Variants in GNAQ observed in about 807,000 individuals in gnomAD.
GNAQ encodes the protein guanine nucleotide-binding protein G(q) subunit alpha.
A neutral mutation model predicts 43.9 loss-of-function variants in GNAQ; 8 were observed. The ratio of observed to expected loss-of-function variants is 0.18; its 90% CI spans 0.11 to 0.33. The LOEUF is 0.33. Ranked by LOEUF, GNAQ falls within the 10% of genes least tolerant of loss-of-function variation. The pLI, the probability that GNAQ is intolerant of heterozygous loss-of-function variation, is 1.00. For synonymous variants in GNAQ, 155 were observed against 170.7 expected (o/e 0.91, Z 0.71); for missense variants, 158 against 450.8 (o/e 0.35, Z 5.88).
intron 2 of GNAQ, among the ~76,000 whole-genome samples, chr9:77,852,032 G>A (rs1183296226): frequency 6.6e-6 from 1 of 152,156 alleles, no homozygotes; most frequent in Non-Finnish European, 1.5e-5. Flanking sequence ...AGATTCTGCT[G>A]AAGATTATTT....
At chr9:77,963,473 G>A (rs998441705) in intron 1 of GNAQ, among the ~76,000 whole-genome samples, 1 of 152,062 alleles carries the variant, frequency 6.6e-6, no homozygotes, top group Admixed American at 6.5e-5. Flanking sequence ...CTAGGATCAA[G>A]AGCCTGAAGC....
chr9:77,989,968 C>T (rs557949051), intron 1 of GNAQ, among the ~76,000 whole-genome samples: 3 of 152,098 alleles, frequency 2.0e-5, no homozygotes, highest in African/African-American at 7.2e-5. Context: ...TTTTAAATTT[C>T]ATAAATGAAC....
intron 5 of GNAQ, among the ~76,000 whole-genome samples, chr9:77,785,571 G>C (rs1259819050): frequency 6.6e-6 from 1 of 152,098 alleles, no homozygotes; most frequent in East Asian, 1.9e-4. Context: ...GTGACTACAT[G>C]GATGTGTTCA....
chr9:77,728,004 CT>C (rs546463364), intron 6 of GNAQ, among the ~76,000 whole-genome samples: 6 of 148,664 alleles, frequency 4.0e-5, no homozygotes, highest in South Asian at 2.1e-4. Context: ...AGTTTCTTTT[CT>C]TTTTTTTTTA....
chr9:77,821,724 G>GGGGTGT (rs201504418), intron 2 of GNAQ, among the ~76,000 whole-genome samples: 16,953 of 142,200 alleles, frequency 0.12, 1,034 homozygotes, highest in East Asian at 0.23. Context: ...TCCTAGTATG[G>GGGGTGT]GTGTGTGTGT....
intron 1 of GNAQ, among the ~76,000 whole-genome samples, chr9:77,928,806 G>A (rs534417890): frequency 6.6e-6 from 1 of 152,276 alleles, no homozygotes; most frequent in Admixed American, 6.5e-5. Flanking sequence ...GATCACTTGA[G>A]GTCAGGAGTT....
chr9:77,806,604 A>AGT, intron 3 of GNAQ, among the ~76,000 whole-genome samples: 1 of 152,354 alleles, frequency 6.6e-6, no homozygotes, highest in Admixed American at 6.5e-5. Flanking sequence ...ACTGGAGAAT[A>AGT]GTGTGCAGTA....
chr9:77,935,937 T>C (rs188117027), intron 1 of GNAQ, among the ~76,000 whole-genome samples: 6 of 152,246 alleles, frequency 3.9e-5, no homozygotes, highest in East Asian at 3.9e-4. Flanking sequence ...AAATTGCACA[T>C]GGAAATATGC....
chr9:77,763,942 TGTTA>T (rs1178356974), intron 5 of GNAQ, among the ~76,000 whole-genome samples: 2 of 152,252 alleles, frequency 1.3e-5, no homozygotes, highest in South Asian at 2.1e-4. Flanking sequence ...AGTTGTGTTT[TGTTA>T]GTTGTTTTGT....
intron 2 of GNAQ, among the ~76,000 whole-genome samples, chr9:77,873,934 T>C (rs10781467): frequency 0.76 from 115,905 of 151,744 alleles, 44,403 homozygotes; most frequent in Admixed American, 0.83. Flanking sequence ...GGAGAAATCC[T>C]GTCTCTACTA....
chr9:77,822,103 T>C (rs1042586369), intron 2 of GNAQ, among the ~76,000 whole-genome samples: 11 of 152,138 alleles, frequency 7.2e-5, no homozygotes, highest in Admixed American at 6.5e-4. Context: ...AAAAAGGCAA[T>C]GGCCCTTACC....
intron 1 of GNAQ, among the ~76,000 whole-genome samples, chr9:77,967,867 C>A (rs749078886): frequency 5.3e-5 from 8 of 152,088 alleles, no homozygotes; most frequent in South Asian, 2.1e-4. Flanking sequence ...GTAATCCCTG[C>A]TACTTGGGAG....
At chr9:78,009,163 A>G (rs1823743916) in intron 1 of GNAQ, among the ~76,000 whole-genome samples, 1 of 152,252 alleles carries the variant, frequency 6.6e-6, no homozygotes, top group Admixed American at 6.5e-5. Flanking sequence ...TAATATTCAC[A>G]GAAAAGAAGG....
chr9:77,938,511 C>G (rs1371175558), intron 1 of GNAQ, among the ~76,000 whole-genome samples: 1 of 152,148 alleles, frequency 6.6e-6, no homozygotes, highest in Non-Finnish European at 1.5e-5. Context: ...AAAGCTACCG[C>G]AAGGCCCACA....
chr9:77,914,804 A>G (rs912217753), intron 2 of GNAQ, among the ~76,000 whole-genome samples: 9 of 147,722 alleles, frequency 6.1e-5, no homozygotes, highest in Admixed American at 2.1e-4. Context: ...AAAAACCTTC[A>G]TCTGATATTT....
intron 1 of GNAQ, among the ~76,000 whole-genome samples, chr9:77,982,353 A>T (rs906148867): frequency 6.6e-5 from 10 of 152,166 alleles, no homozygotes; most frequent in South Asian, 4.1e-4. Flanking sequence ...TAAAACAAAA[A>T]TTTTTTTAAT....
At chr9:77,762,913 GAGTCATC>G (rs1205927753) in intron 5 of GNAQ, among the ~76,000 whole-genome samples, 1 of 151,988 alleles carries the variant, frequency 6.6e-6, no homozygotes, top group African/African-American at 2.4e-5. Context: ...TGCTCGTTAA[GAGTCATC>G]ACCACTCCCT....
At chr9:77,743,797 A>G (rs1825691092) in intron 5 of GNAQ, among the ~76,000 whole-genome samples, 1 of 152,180 alleles carries the variant, frequency 6.6e-6, no homozygotes, top group Non-Finnish European at 1.5e-5. Context: ...CCCTCCACCA[A>G]TATCTTCCTT....
At chr9:77,992,226 C>T (rs1003753011) in intron 1 of GNAQ, among the ~76,000 whole-genome samples, 3 of 152,170 alleles carry the variant, frequency 2.0e-5, no homozygotes, top group Non-Finnish European at 4.4e-5. Context: ...CCTCTCTCTT[C>T]GCATTTTTCT....
Sources: gnomAD v4.1 joint callset for allele counts (sites outside exome capture counted in the v4.1 genomes callset) on GRCh38, gnomAD v4.1.1 for gene constraint, MANE v1.5 for transcripts, NCBI Gene and HGNC (gene_info 2026-07-23, HGNC 2026-07-21) for gene names.